PCLO: variants seen among roughly 807,000 people sequenced by gnomAD.
The protein encoded by PCLO is protein piccolo.
PCLO carries 82 observed loss-of-function variants against 427.5 expected under a neutral mutation model. The observed-to-expected ratio is 0.19, with a 90% confidence interval of 0.16 to 0.23. The LOEUF (loss-of-function observed/expected upper bound fraction) is 0.23. PCLO is among the 10% of genes least tolerant of loss of function. The pLI is 1.00. For synonymous variants in PCLO, 2,357 were observed against 2,155.4 expected, an observed-to-expected ratio of 1.09 and a Z score of -2.59; for missense variants, 6,239 against 6,115.9, an observed-to-expected ratio of 1.02 and a Z score of -0.67.
At chr7:83,159,509 C>T (rs1001594605) in intron 1 of PCLO, among the ~76,000 whole-genome samples, 1 of 152,010 alleles carries the variant, frequency 6.6e-6, no homozygotes, top group Non-Finnish European at 1.5e-5. Flanking sequence ...CATTTGTAAC[C>T]TGTCTTCTAC....
chr7:83,034,054 A>G (rs1562930979), intron 3 of PCLO, among the ~76,000 whole-genome samples: 1 of 152,230 alleles, frequency 6.6e-6, no homozygotes, highest in Admixed American at 6.5e-5. Flanking sequence ...TTGGAGAATT[A>G]TAAATTGAGA....
chr7:82,916,596 T>C lies in PCLO; in HGVS notation c.11390A>G (p.Lys3797Arg). ...LDEEEKEIDA[K>R]LRYLEMGINR... ...AATTCCCATTTCCAGGTATCGTAGC[T>C]TAGCATCAATCTCCTTTTCTTCTTC... The change falls in exon 7 of 25, where the codon AAG (lysine) becomes AGG (arginine). Residue 3797 changes from lysine to arginine, a missense_variant. Physicochemically the swap from Lys to Arg is conservative, Grantham distance 26. Coordinates refer to ENST00000333891, the MANE Select transcript of PCLO (RefSeq NM_033026.6). The C allele has an allele frequency of 6.2e-7, 1 of 1,613,716 alleles. No individual in the cohort carries two copies. The highest frequency in any genetic ancestry group is 8.5e-7 in the Non-Finnish European group (1 of 1,179,756).
Position 83,092,563 on chromosome 7 carries a change from T to A in PCLO, c.3300+41687A>T, listed in dbSNP as rs553849039. On this transcript the variant is annotated intron_variant, in intron 3 of 24. Transcript: ENST00000333891. ...GGTCACCTCTCAGATCTTTTTCTAA[T>A]GTTCTGGATTCTGTTACAAACCCAG... is the stretch of plus-strand genomic sequence containing the variant. Among the ~76,000 whole-genome samples the A allele has an allele frequency of 5.9e-5, 9 of 152,298 alleles. No individual in the cohort carries two copies. The South Asian group carries it at 1.9e-3, about 32-fold the overall frequency.
At chr7:83,061,692 G>A (rs1178345347) in intron 3 of PCLO, among the ~76,000 whole-genome samples, 1 of 152,024 alleles carries the variant, frequency 6.6e-6, no homozygotes, top group African/African-American at 2.4e-5. Flanking sequence ...AAAAAAAATA[G>A]GATCCTTTCT....
intron 22 of PCLO, among the ~76,000 whole-genome samples, chr7:82,796,692 G>T (rs1397182815): frequency 1.3e-5 from 2 of 150,406 alleles, no homozygotes; most frequent in Non-Finnish European, 3.0e-5. Context: ...CCCTTCTCAG[G>T]ATGATTGTTA....
intron 10 of PCLO, among the ~76,000 whole-genome samples, chr7:82,853,616 A>C (rs1056455601): frequency 2.6e-5 from 4 of 152,160 alleles, no homozygotes; most frequent in African/African-American, 4.8e-5. Flanking sequence ...AAATTTGCCT[A>C]TCTCTCAATA....
Position 82,870,343 on chromosome 7 carries a change from G to C in PCLO, c.13654+8994C>G, listed in dbSNP as rs367665249. Among the ~76,000 whole-genome samples the C allele has an allele frequency of 1.7e-3, 254 of 152,112 alleles. 1 individual carries two copies. Among genetic ancestry groups the C allele is most frequent in the Non-Finnish European group, 2.4e-3 (165 of 67,922 alleles). On this transcript the variant is annotated intron_variant, in intron 10 of 24. Transcript: ENST00000333891. Reference sequence around the variant, plus strand: ...CACAAAGAATATACGCTGGCAAAAGGATAGTCTTTTTAAGAAATGGTGCTG... The same window carrying C: ...CACAAAGAATATACGCTGGCAAAAGCATAGTCTTTTTAAGAAATGGTGCTG...
Position 83,134,242 on chromosome 7 carries a change from T to TATATATATATATATATAA in PCLO, c.3300+7_3300+8insTTATATATATATATATAT, listed in dbSNP as rs746054139. The TATATATATATATATATAA allele has an allele frequency of 9.3e-5, 99 of 1,068,830 alleles. 1 individual carries two copies. The highest frequency in any genetic ancestry group is 2.5e-4 in the Middle Eastern group (1 of 3,974). The allele number at this position is 1,068,830 out of a possible 1,614,324, so 66.2% of individuals were successfully genotyped here. On this transcript the variant is annotated splice_region_variant and intron_variant, in intron 3 of 24. Coordinates refer to ENST00000333891, the MANE Select transcript of PCLO (RefSeq NM_033026.6). ...TAATATATATATATATATATATATATAACTTACCTCAGTCAAATGTGGTGT... is the reference window on the plus strand; with the variant it reads ...TAATATATATATATATATATATATATATATATATATATATATAAAACTTACCTCAGTCAAATGTGGTGT...
intron 3 of PCLO, among the ~76,000 whole-genome samples, chr7:83,035,832 TTCTC>T (rs1788780844): frequency 6.6e-6 from 1 of 152,162 alleles, no homozygotes; most frequent in Admixed American, 6.6e-5. Flanking sequence ...ATTCTGAGTA[TTCTC>T]TCTGATTCAT....
At chr7:82,824,213 C>A (rs1051662414) in intron 19 of PCLO, 23 bp downstream of exon 19, 2 of 1,539,286 alleles carry the variant, frequency 1.3e-6, no homozygotes, top group African/African-American at 2.8e-5. Flanking sequence ...AAAACTTTTT[C>A]TACTTAAAAA....
At chr7:82,965,207 T>C (rs1012800814) in intron 4 of PCLO, among the ~76,000 whole-genome samples, 5 of 152,098 alleles carry the variant, frequency 3.3e-5, no homozygotes, top group East Asian at 3.8e-4. Context: ...AGATACATTA[T>C]ATTAAAAATC....
In PCLO at chr7:82,955,336, T is replaced by A. The variant is rs201033040; in HGVS notation, c.5617A>T (p.Ser1873Cys). 130 of 1,613,614 alleles carry A rather than the reference T, an allele frequency of 8.1e-5. No individual in the cohort carries two copies. Among genetic ancestry groups the A allele is most frequent in the Non-Finnish European group, 1.1e-4 (124 of 1,179,790 alleles). ...IESDPEGFEI[S>C]PEKIIEVQKV... ...TGTACTTCTATTATTTTTTCCGGGC[T>A]TATTTCAAAACCTTCTGGGTCTGAC... Residue 1873 changes from serine (S) to cysteine (C), a missense_variant, in exon 5 of 25, where the codon AGC becomes TGC. By Grantham distance (112) the Ser-to-Cys change is moderately radical. Coordinates refer to ENST00000333891, the MANE Select transcript of PCLO (RefSeq NM_033026.6).
At chr7:83,102,004 G>A (rs1790750192) in intron 3 of PCLO, among the ~76,000 whole-genome samples, 1 of 151,986 alleles carries the variant, frequency 6.6e-6, no homozygotes, top group Non-Finnish European at 1.5e-5. Context: ...ACAATTCAAA[G>A]AACTGTATTT....
Position 82,861,181 on chromosome 7 carries a change from A to T in PCLO, c.13655-13934T>A, listed in dbSNP as rs1047051268. On this transcript the variant is annotated intron_variant, in intron 10 of 24. Coordinates refer to ENST00000333891, the MANE Select transcript of PCLO (RefSeq NM_033026.6). Reference sequence around the variant, plus strand: ...AGAGTGGCTGAATGGGTGAATAAACAAGACCCATTGTTCTGTTGCCTACAA... The same window carrying T: ...AGAGTGGCTGAATGGGTGAATAAACTAGACCCATTGTTCTGTTGCCTACAA... Among the ~76,000 whole-genome samples, 3 of 152,058 alleles carry T rather than the reference A, an allele frequency of 2.0e-5. No homozygotes were observed. In the East Asian group the frequency reaches 5.8e-4, roughly 29 times the overall value.
intron 3 of PCLO, among the ~76,000 whole-genome samples, chr7:83,010,810 A>C (rs756242249): frequency 6.6e-6 from 1 of 151,920 alleles, no homozygotes; most frequent in Admixed American, 6.6e-5. Context: ...CCATGTAAAG[A>C]ATAAATCTCT....
intron 3 of PCLO, among the ~76,000 whole-genome samples, chr7:83,000,291 G>A (rs76990551): frequency 2.7e-4 from 7 of 26,238 alleles, no homozygotes; most frequent in East Asian, 5.6e-3. Flanking sequence ...GAGAGAGAGA[G>A]AGAGAGAGAG....
At position 82,955,474 on chromosome 7, in the gene PCLO, G is replaced by A; in HGVS notation, c.5479C>T (p.Pro1827Ser). The A allele has an allele frequency of 6.2e-7, 1 of 1,613,724 alleles. No homozygotes were observed. Among genetic ancestry groups the A allele is most frequent in the Non-Finnish European group, 8.5e-7 (1 of 1,179,816 alleles). The stretch of plus-strand genomic sequence containing the variant: ...TCTTCAATGGGAGAGAGATTACTAG[G>A]TGGTGTCTTTGGCCTTTCCCTTCTT... ...QRRRERPKTP[P>S]SNLSPIEDAS... The change falls in exon 5 of 25, where the codon CCT becomes TCT. Residue 1827 changes from proline to serine, a missense_variant. Physicochemically the swap from Pro to Ser is moderately conservative, Grantham distance 74 (BLOSUM62 -1). Around this residue, in one of 5 missense-constraint regions of PCLO, gnomAD observed 4,677 missense variants for 4,468.4 expected, o/e 1.05. Coordinates refer to ENST00000333891, the MANE Select transcript of PCLO (RefSeq NM_033026.6).
intron 22 of PCLO, among the ~76,000 whole-genome samples, chr7:82,798,898 C>T (rs1219468221): frequency 6.6e-6 from 1 of 152,068 alleles, no homozygotes; most frequent in Non-Finnish European, 1.5e-5. Context: ...CGCCCCTCTG[C>T]TCAATAACTA....
chr7:83,143,642 C>CAA (rs36020139), intron 2 of PCLO, among the ~76,000 whole-genome samples: 55 of 103,286 alleles, frequency 5.3e-4, no homozygotes, highest in African/African-American at 1.4e-3. Flanking sequence ...CAGGATTGCC[C>CAA]AAAAAAAAAA....
Sources: gnomAD v4.1 joint callset for allele counts (sites outside exome capture counted in the v4.1 genomes callset) on GRCh38, gnomAD v4.1.1 for gene constraint, gnomAD v4.1.1 regional missense constraint, MANE v1.5 for transcripts, NCBI Gene and HGNC (gene_info 2026-07-23, HGNC 2026-07-21) for gene names.